LRRC20: variants seen among roughly 807,000 people sequenced by gnomAD.
LRRC20 encodes leucine rich repeat containing 20, also known as leucine-rich repeat-containing protein 20.
LRRC20 carries 11 observed loss-of-function variants against 14.4 expected under a neutral mutation model. That is an observed-to-expected ratio of 0.77 (90% CI 0.48 to 1.27). The LOEUF is 1.27. Ranked by LOEUF, LRRC20 falls within the 50% of genes most tolerant of loss-of-function variation. The probability of loss-of-function intolerance (pLI) is 0.00; values close to 1 mark genes in which losing one functional copy is unlikely to be tolerated. For synonymous variants in LRRC20, 121 were observed against 107.3 expected, an observed-to-expected ratio of 1.13 and a Z score of -0.79; for missense variants, 219 against 251.2, an observed-to-expected ratio of 0.87 and a Z score of 0.87.
intron 2 of LRRC20, among the ~76,000 whole-genome samples, chr10:70,364,208 A>C (rs1843874174): frequency 6.6e-6 from 1 of 152,196 alleles, no homozygotes. Context: ...TGCCGGCCTC[A>C]GCTCTGGGCC....
intron 2 of LRRC20, among the ~76,000 whole-genome samples, chr10:70,371,863 A>T (rs1400481451): frequency 6.6e-6 from 1 of 151,904 alleles, no homozygotes; most frequent in Non-Finnish European, 1.5e-5. Context: ...AAAGGCTGGG[A>T]TCCTCGCCTC....
intron 2 of LRRC20, among the ~76,000 whole-genome samples, chr10:70,372,670 C>A (rs1472798532): frequency 6.6e-6 from 1 of 151,956 alleles, no homozygotes; most frequent in East Asian, 1.9e-4. Flanking sequence ...TTTCGATCTC[C>A]TGACCTTGTG....
At chr10:70,370,244 C>T (rs1275395769) in intron 2 of LRRC20, among the ~76,000 whole-genome samples, 1 of 152,168 alleles carries the variant, frequency 6.6e-6, no homozygotes, top group Non-Finnish European at 1.5e-5. Context: ...TAACAGAAGA[C>T]GTGCTTCTAG....
At chr10:70,378,260 T>A (rs906320116) in intron 1 of LRRC20, among the ~76,000 whole-genome samples, 2 of 152,198 alleles carry the variant, frequency 1.3e-5, no homozygotes, top group African/African-American at 4.8e-5. Context: ...AATCTCCTCT[T>A]ATTGCCTCAG....
At chr10:70,373,248 A>C (rs202005690) in intron 2 of LRRC20, among the ~76,000 whole-genome samples, 1 of 152,314 alleles carries the variant, frequency 6.6e-6, no homozygotes, top group Non-Finnish European at 1.5e-5. Flanking sequence ...TTCAATTACC[A>C]CTCCTCCAGA....
intron 3 of LRRC20, among the ~76,000 whole-genome samples, chr10:70,335,058 T>C (rs1257547355): frequency 6.6e-6 from 1 of 151,898 alleles, no homozygotes; most frequent in African/African-American, 2.4e-5. Flanking sequence ...AGGTCACCCC[T>C]GGGAGGGCCT....
At chr10:70,339,646 C>G (rs776902398) in intron 3 of LRRC20, among the ~76,000 whole-genome samples, 1 of 152,058 alleles carries the variant, frequency 6.6e-6, no homozygotes, top group Non-Finnish European at 1.5e-5. Flanking sequence ...AGTGACCTCT[C>G]GTAGAAGGAT....
intron 2 of LRRC20, among the ~76,000 whole-genome samples, chr10:70,359,919 CTTT>C (rs542983316): frequency 2.8e-5 from 4 of 141,586 alleles, no homozygotes; most frequent in Non-Finnish European, 4.6e-5. Context: ...TTTTCTTTTT[CTTT>C]TTTTTTTTTT....
chr10:70,338,274 C>T (rs774859483), intron 3 of LRRC20, among the ~76,000 whole-genome samples: 1 of 152,184 alleles, frequency 6.6e-6, no homozygotes, highest in Non-Finnish European at 1.5e-5. Context: ...TGTCCCTGCA[C>T]TGTGTTTGCC....
chr10:70,323,792 G>C, intron 4 of LRRC20, 71 bp downstream of exon 4: 1 of 1,535,810 alleles, frequency 6.5e-7, no homozygotes, highest in Non-Finnish European at 8.9e-7. Flanking sequence ...TGTGAAGGTC[G>C]ACTCCAGAGT....
intron 4 of LRRC20, among the ~76,000 whole-genome samples, chr10:70,315,568 C>T (rs61858213): frequency 0.012 from 1,755 of 152,304 alleles, 12 homozygotes; most frequent in Middle Eastern, 0.017. Flanking sequence ...TTCCTATAGA[C>T]AGGATTGCTA....
At chr10:70,374,039 T>C (rs575202383) in intron 2 of LRRC20, among the ~76,000 whole-genome samples, 1 of 152,154 alleles carries the variant, frequency 6.6e-6, no homozygotes, top group South Asian at 2.1e-4. Context: ...TCCACAGAGG[T>C]TGAAGTTCAG....
At chr10:70,311,222 A>ATTTTTTTTTTTTTTTTTTTTTTTTTT (rs11314061) in intron 4 of LRRC20, among the ~76,000 whole-genome samples, 1 of 86,346 alleles carries the variant, frequency 1.2e-5, no homozygotes, top group Non-Finnish European at 2.2e-5. Context: ...TCAACATTCC[A>ATTTTTTTTTTTTTTTTTTTTTTTTTT]TTTTTTTTTT....
At chr10:70,354,778 A>T (rs1458051683) in intron 2 of LRRC20, among the ~76,000 whole-genome samples, 1 of 152,198 alleles carries the variant, frequency 6.6e-6, no homozygotes, top group African/African-American at 2.4e-5. Flanking sequence ...ACAGAGCAGC[A>T]GAGACAGAGT....
At chr10:70,353,515 T>A (rs1005664811) in intron 2 of LRRC20, among the ~76,000 whole-genome samples, 1 of 151,666 alleles carries the variant, frequency 6.6e-6, no homozygotes, top group African/African-American at 2.4e-5. Flanking sequence ...CCTCCTGGGT[T>A]CAAGTGAGTC....
At chr10:70,338,734 C>T (rs577086976) in intron 3 of LRRC20, among the ~76,000 whole-genome samples, 115 of 152,342 alleles carry the variant, frequency 7.5e-4, no homozygotes, top group Non-Finnish European at 1.3e-3. Context: ...GATCGCAGCT[C>T]ACTGCAACCT....
At chr10:70,352,220 G>A (rs558285805) in intron 2 of LRRC20, among the ~76,000 whole-genome samples, 6 of 85,664 alleles carry the variant, frequency 7.0e-5, no homozygotes, top group South Asian at 3.0e-4. Flanking sequence ...AGGCATGTAC[G>A]TTTAAGCTTT....
intron 2 of LRRC20, among the ~76,000 whole-genome samples, chr10:70,347,355 G>A (rs953945162): frequency 3.3e-5 from 5 of 152,070 alleles, no homozygotes; most frequent in Non-Finnish European, 7.4e-5. Context: ...TTACAACGGA[G>A]GAAGAAGCCA....
chr10:70,301,634 G>A, intron 4 of LRRC20, 126 bp from the exon 5 acceptor site: 1 of 1,168,570 alleles, frequency 8.6e-7, no homozygotes, highest in Admixed American at 2.2e-5. Context: ...CACTGCACGT[G>A]GGCTCAGCTC....
Sources: gnomAD v4.1 joint callset for allele counts (sites outside exome capture counted in the v4.1 genomes callset) on GRCh38, gnomAD v4.1.1 for gene constraint, MANE v1.5 for transcripts, NCBI Gene and HGNC (gene_info 2026-07-23, HGNC 2026-07-21) for gene names.